Variants in HNRNPH1 observed in about 807,000 individuals in gnomAD.
HNRNPH1 encodes the protein heterogeneous nuclear ribonucleoprotein H1.
A neutral mutation model predicts 58.6 loss-of-function variants in HNRNPH1; 4 were observed. The ratio of observed to expected loss-of-function variants is 0.07; its 90% CI spans 0.03 to 0.16. The LOEUF (loss-of-function observed/expected upper bound fraction) is 0.16, where lower values mean the gene tolerates loss of function less well. Among genes scored for constraint, HNRNPH1 ranks in the 10% least tolerant of loss-of-function variants. The pLI is 1.00. For synonymous variants in HNRNPH1, 192 were observed against 189.2 expected (o/e 1.01, Z -0.12); for missense variants, 271 against 564.2 (o/e 0.48, Z 5.26).
intron 2 of HNRNPH1, among the ~76,000 whole-genome samples, chr5:179,630,281 G>A (rs903359771): frequency 1.3e-5 from 2 of 151,976 alleles, no homozygotes; most frequent in East Asian, 1.9e-4. Flanking sequence ...TGTGGGAGGC[G>A]GCGGTCGTGG....
At chr5:179,615,192 C>T (rs1768924050) in intron 12 of HNRNPH1, 1 of 452,776 alleles carries the variant, frequency 2.2e-6, no homozygotes, top group Non-Finnish European at 3.9e-6. Flanking sequence ...ACGGATTCTT[C>T]AGGATCAACA....
At chr5:179,628,799 T>C (rs1311522098), upstream of HNRNPH1, among the ~76,000 whole-genome samples, 1 of 151,588 alleles carries the variant, frequency 6.6e-6, no homozygotes, top group East Asian at 1.9e-4. Flanking sequence ...TCTCATCCTT[T>C]TGGCAAAGAT....
chr5:179,617,501 C>A lies in HNRNPH1; in HGVS notation c.1057+13G>T. The A allele has an allele frequency of 6.2e-7, 1 of 1,611,460 alleles. No individual in the cohort carries two copies. The highest frequency in any genetic ancestry group is 1.1e-5 in the South Asian group (1 of 90,560). On this transcript the variant is annotated intron_variant, in intron 8 of 12. Transcript: ENST00000356731. Reference sequence around the variant, plus strand: ...CACCTGTTAAGAGCCCACAAATGCTCAATCACACTTACGCATATTTGCTTT... The same window carrying A: ...CACCTGTTAAGAGCCCACAAATGCTAAATCACACTTACGCATATTTGCTTT...
chr5:179,620,698 A>C, intron 3 of HNRNPH1, 194 bp downstream of exon 4: 1 of 575,188 alleles, frequency 1.7e-6, no homozygotes, highest in Non-Finnish European at 3.1e-6. Context: ...GGCAAAGTTA[A>C]CATTTTGGAA....
chr5:179,618,343 G>A lies in HNRNPH1; in HGVS notation c.537-20C>T, dbSNP rs753422989. On this transcript the variant is annotated intron_variant, in intron 4 of 12. Coordinates refer to ENST00000356731, the Ensembl canonical transcript of HNRNPH1. ...ATATACCTAAAGCATTGTTCATAAG[G>A]AAGGGGTAGGGAGGGGAGAGAAAAC... is the stretch of plus-strand genomic sequence containing the variant. The A allele has an allele frequency of 7.5e-5, 118 of 1,570,976 alleles. No individual in the cohort carries two copies. Among genetic ancestry groups the A allele is most frequent in the Non-Finnish European group, 1.0e-4 (115 of 1,151,048 alleles).
At chr5:179,620,369 AAAC>A (rs2127664639) in intron 3 of HNRNPH1, among the ~76,000 whole-genome samples, 1 of 152,358 alleles carries the variant, frequency 6.6e-6, no homozygotes, top group South Asian at 2.1e-4. Flanking sequence ...ACAAGCATTC[AAAC>A]TACTCTCACT....
intron 12 of HNRNPH1, 190 bp downstream of exon 13, chr5:179,615,356 G>A (rs1449994572): frequency 2.0e-6 from 1 of 500,228 alleles, no homozygotes; most frequent in South Asian, 3.9e-5. Flanking sequence ...GAGCACAGGG[G>A]AAGTCTCTTG....
At chr5:179,620,097 T>C (rs1351928900) in intron 3 of HNRNPH1, 5 of 152,226 alleles carry the variant, frequency 3.3e-5, no homozygotes, top group African/African-American at 9.6e-5. Context: ...CTCACCAATT[T>C]AGTGTCAAAA....
chr5:179,620,062 T>C (rs1771577268), intron 3 of HNRNPH1: 1 of 152,232 alleles, frequency 6.6e-6, no homozygotes, highest in African/African-American at 2.4e-5. Context: ...ATTATGTTCA[T>C]ATTTAACGTT....
At chr5:179,614,780 TAAAGA>T (rs1265987825) in exon 13 of HNRNPH1, 2 of 789,284 alleles carry the variant, frequency 2.5e-6, no homozygotes, top group Admixed American at 3.7e-5. Context: ...GAAGTTTTCT[TAAAGA>T]AAAAAAAAAA....
At chr5:179,621,549 C>A in intron 1 of HNRNPH1, 152 bp from the exon 3 acceptor site, 1 of 619,176 alleles carries the variant, frequency 1.6e-6, no homozygotes, top group Non-Finnish European at 2.8e-6. Flanking sequence ...TCCTAAAACT[C>A]CAATTAAAAA....
At chr5:179,631,792 C>T (rs1002905845) in intron 2 of HNRNPH1, among the ~76,000 whole-genome samples, 15 of 152,008 alleles carry the variant, frequency 9.9e-5, no homozygotes, top group African/African-American at 3.6e-4. Context: ...GTGGCACATG[C>T]CTGTAGTTCC....
At chr5:179,627,211 TTTTG>T (rs1774476349), upstream of HNRNPH1, among the ~76,000 whole-genome samples, 2 of 152,198 alleles carry the variant, frequency 1.3e-5, no homozygotes, top group Non-Finnish European at 2.9e-5. Flanking sequence ...TGGTGGTATT[TTTTG>T]TTTGTTTTAC....
chr5:179,614,269 A>G (rs3718), exon 13 of HNRNPH1: 1 of 152,600 alleles, frequency 6.6e-6, no homozygotes, highest in Non-Finnish European at 1.5e-5. Flanking sequence ...ATTTAAATCA[A>G]GGCCTCAGAA....
exon 6 of HNRNPH1, chr5:179,618,007 A>C: frequency 3.7e-6 from 6 of 1,614,146 alleles, no homozygotes; most frequent in Non-Finnish European, 3.4e-6. Context: ...AATCTATCTG[A>C]CCCAAATCCA....
exon 1 of HNRNPH1, chr5:179,624,456 C>A: frequency 2.5e-6 from 1 of 398,500 alleles, no homozygotes; most frequent in South Asian, 1.3e-4. Context: ...CTTGACTGCC[C>A]TGGGGCCCTG....
At chr5:179,615,156 T>G (rs931115266) in intron 12 of HNRNPH1, 197 bp from the exon 14 acceptor site, 4 of 524,902 alleles carry the variant, frequency 7.6e-6, no homozygotes, top group African/African-American at 7.6e-5. Flanking sequence ...AGTACCAACT[T>G]GCCAGACTCT....
upstream of HNRNPH1, among the ~76,000 whole-genome samples, chr5:179,626,151 T>A (rs1774374710): frequency 6.6e-6 from 1 of 152,018 alleles, no homozygotes; most frequent in South Asian, 2.1e-4. Flanking sequence ...TCACCCAGGC[T>A]GGAGTACAGT....
At chr5:179,619,216 T>G in intron 4 of HNRNPH1, 53 bp downstream of exon 5, 3 of 1,453,714 alleles carry the variant, frequency 2.1e-6, no homozygotes, top group Non-Finnish European at 1.9e-6. Context: ...GAATATGGAT[T>G]TAATTGTTTA....
Sources: gnomAD v4.1 joint callset for allele counts (sites outside exome capture counted in the v4.1 genomes callset) on GRCh38, gnomAD v4.1.1 for gene constraint, MANE v1.5 for transcripts, NCBI Gene and HGNC (gene_info 2026-07-23, HGNC 2026-07-21) for gene names.